CACNA2D3: variants seen among roughly 807,000 people sequenced by gnomAD.
CACNA2D3 encodes the protein calcium voltage-gated channel auxiliary subunit alpha2delta 3.
Under a neutral mutation model 160.6 loss-of-function variants are expected in CACNA2D3, and 60 were observed. The ratio of observed to expected loss-of-function variants is 0.37; its 90% confidence interval spans 0.30 to 0.46. The LOEUF (loss-of-function observed/expected upper bound fraction) is 0.46, where lower values mean the gene tolerates loss of function less well. CACNA2D3 is among the 20% of genes least tolerant of loss of function. CACNA2D3 has a pLI of 1.00. For synonymous variants in CACNA2D3, 558 were observed against 492.9 expected, an observed-to-expected ratio of 1.13 and a Z score of -1.75; for missense variants, 1,205 against 1,365.0, an observed-to-expected ratio of 0.88 and a Z score of 1.85.
In CACNA2D3 at chr3:54,123,677, G is replaced by A. The variant is rs1699525340; in HGVS notation, c.204+83G>A. 16 of 1,107,142 alleles carry A rather than the reference G, an allele frequency of 1.4e-5. No homozygotes were observed. The South Asian group carries it at 1.9e-4, about 13-fold the overall frequency. 68.6% of individuals were successfully genotyped at this position (1,107,142 alleles called of 1,614,324 possible). ...GATTTAGTTTTCCAAACAAACGTGA[G>A]CCCCGAGCAGCATCAGTTATCGGAG... On this transcript the variant is annotated intron_variant, in intron 2 of 37. Transcript: ENST00000474759.
chr3:54,317,871 C>T (rs1303336632), intron 2 of CACNA2D3, among the ~76,000 whole-genome samples: 1 of 152,152 alleles, frequency 6.6e-6, no homozygotes, highest in Admixed American at 6.6e-5. Flanking sequence ...CGCAGTTTCT[C>T]CATAACTTAC....
intron 24 of CACNA2D3, among the ~76,000 whole-genome samples, chr3:54,890,769 G>A (rs2106866428): frequency 6.6e-6 from 1 of 152,292 alleles, no homozygotes; most frequent in South Asian, 2.1e-4. Flanking sequence ...CTTTGGGGTT[G>A]GTGGTGAGAA....
intron 35 of CACNA2D3, among the ~76,000 whole-genome samples, chr3:55,020,296 T>G (rs1463773670): frequency 6.6e-6 from 1 of 150,454 alleles, no homozygotes; most frequent in South Asian, 2.1e-4. Flanking sequence ...GATAGGGTTT[T>G]TATATGTATA....
At chr3:54,839,032 T>G (rs1476723241) in intron 16 of CACNA2D3, among the ~76,000 whole-genome samples, 1 of 151,994 alleles carries the variant, frequency 6.6e-6, no homozygotes, top group Non-Finnish European at 1.5e-5. Context: ...CCGATGCGGG[T>G]GGATCACGAG....
chr3:54,155,529 TAAA>T (rs780318217), intron 2 of CACNA2D3, among the ~76,000 whole-genome samples: 40 of 152,268 alleles, frequency 2.6e-4, no homozygotes, highest in Non-Finnish European at 5.0e-4. Flanking sequence ...CACTGGGAAA[TAAA>T]GAAGAACAAG....
intron 11 of CACNA2D3, among the ~76,000 whole-genome samples, chr3:54,654,255 A>C (rs971296799): frequency 2.6e-5 from 4 of 152,122 alleles, no homozygotes; most frequent in Non-Finnish European, 4.4e-5. Flanking sequence ...ATCTGTGTTC[A>C]TAGGTGGCTC....
chr3:54,218,990 G>T (rs1183870907), intron 2 of CACNA2D3, among the ~76,000 whole-genome samples: 1 of 152,092 alleles, frequency 6.6e-6, no homozygotes, highest in Non-Finnish European at 1.5e-5. Context: ...CTTTTTTCAT[G>T]TAATATTACT....
At chr3:54,711,602 T>C (rs1250886580) in intron 11 of CACNA2D3, among the ~76,000 whole-genome samples, 2 of 152,198 alleles carry the variant, frequency 1.3e-5, no homozygotes, top group African/African-American at 4.8e-5. Flanking sequence ...AACCAATCAT[T>C]GGCAAAACAG....
intron 35 of CACNA2D3, among the ~76,000 whole-genome samples, chr3:55,053,793 C>T (rs1181291686): frequency 6.6e-6 from 1 of 151,880 alleles, no homozygotes; most frequent in Non-Finnish European, 1.5e-5. Context: ...CCTTACTGCA[C>T]AGGCTGTAAC....
At chr3:55,011,473 T>C (rs1176486940) in intron 34 of CACNA2D3, among the ~76,000 whole-genome samples, 4 of 152,228 alleles carry the variant, frequency 2.6e-5, no homozygotes. Context: ...GGTAACTCTT[T>C]AAATGTCTAA....
intron 35 of CACNA2D3, among the ~76,000 whole-genome samples, chr3:55,054,076 A>G (rs1310097788): frequency 2.6e-5 from 4 of 151,272 alleles, no homozygotes; most frequent in Non-Finnish European, 5.9e-5. Flanking sequence ...TATTGGTTGC[A>G]CTAAGGTTTA....
intron 9 of CACNA2D3, among the ~76,000 whole-genome samples, chr3:54,613,320 A>G (rs35300069): frequency 0.029 from 4,371 of 152,352 alleles, 109 homozygotes; most frequent in Non-Finnish European, 0.045. Context: ...TCTTTGTTGC[A>G]GAGATTTCTC....
rs184305175 is a variant in CACNA2D3 at position 54,657,494 on chromosome 3, C to T, written c.1167+15253C>T. ...ACTGGAACTTTCTCATCTTGTATAA[C>T]GGTAACTTTATACACATTCAACAAC... On this transcript the variant is annotated intron_variant, in intron 11 of 37. Transcript: ENST00000474759. Among the ~76,000 whole-genome samples the T allele has an allele frequency of 2.2e-3, 341 of 152,226 alleles. 2 individuals are homozygous for T. Among genetic ancestry groups the T allele is most frequent in the Non-Finnish European group, 3.5e-3 (237 of 68,026 alleles).
At position 54,222,837 on chromosome 3, in the gene CACNA2D3, C is replaced by T. The variant is rs532180389; in HGVS notation, c.205-97605C>T. Among the ~76,000 whole-genome samples the T allele has an allele frequency of 5.3e-5, 8 of 152,158 alleles. No homozygotes were observed. The South Asian group carries it at 1.0e-3, about 20-fold the overall frequency. On this transcript the variant is annotated intron_variant, in intron 2 of 37. Coordinates refer to ENST00000474759, the MANE Select transcript of CACNA2D3 (RefSeq NM_018398.3). The stretch of plus-strand genomic sequence containing the variant: ...TTTGTGTTTTTTATTTTAAGGAATA[C>T]GTAGTTAAGTTTTGATTTTTAAGAA...
chr3:55,040,284 TC>T (rs1351924128), intron 35 of CACNA2D3, among the ~76,000 whole-genome samples: 1 of 152,138 alleles, frequency 6.6e-6, no homozygotes, highest in Non-Finnish European at 1.5e-5. Context: ...AACATATGAC[TC>T]TGGGTGGGAT....
At chr3:54,517,619 G>A (rs371574368) in intron 5 of CACNA2D3, among the ~76,000 whole-genome samples, 198 of 152,234 alleles carry the variant, frequency 1.3e-3, no homozygotes, top group South Asian at 6.0e-3. Context: ...ACAATATAAC[G>A]TGGTTTACTG....
At chr3:54,275,674 G>T (rs1173833990) in intron 2 of CACNA2D3, among the ~76,000 whole-genome samples, 1 of 152,134 alleles carries the variant, frequency 6.6e-6, no homozygotes, top group African/African-American at 2.4e-5. Flanking sequence ...CTGGAGTGCA[G>T]TGGCATGATC....
chr3:55,015,700 A>G (rs1412802193), intron 34 of CACNA2D3, among the ~76,000 whole-genome samples: 3 of 152,238 alleles, frequency 2.0e-5, no homozygotes, highest in African/African-American at 4.8e-5. Context: ...GAAAATAAAA[A>G]GTGTTGCCAA....
intron 27 of CACNA2D3, among the ~76,000 whole-genome samples, chr3:54,925,708 G>C (rs1044733020): frequency 6.6e-6 from 1 of 152,176 alleles, no homozygotes; most frequent in African/African-American, 2.4e-5. Flanking sequence ...GGAGCCAATA[G>C]CCATGTGTGG....
Sources: allele counts gnomAD v4.1 joint callset (sites outside exome capture counted in the v4.1 genomes callset), GRCh38; gene constraint gnomAD v4.1.1; transcripts MANE v1.5; gene names NCBI Gene and HGNC (gene_info 2026-07-23, HGNC 2026-07-21).